JAG2: variants seen among roughly 807,000 people sequenced by gnomAD.
JAG2 encodes protein jagged-2.
JAG2 carries 46 observed loss-of-function variants against 141.7 expected under a neutral mutation model. The observed-to-expected ratio is 0.32, with a 90% CI of 0.26 to 0.42. JAG2 has a LOEUF of 0.42. Among genes scored for constraint, JAG2 ranks in the 10% least tolerant of loss-of-function variants. The pLI is 1.00. For missense variants in JAG2, 1,500 were observed against 1,817.5 expected (o/e 0.83, Z 3.18); for synonymous variants, 862 against 763.5 (o/e 1.13, Z -2.13).
rs922411611 is a variant in JAG2, at chr14:105,151,037, A to G, written c.1335T>C (p.Tyr445=). Residue 445 remains tyrosine (Y), a synonymous_variant, in exon 10 of 26, where the codon TAT becomes TAC. Transcript: ENST00000331782. ...AFSCKNLIGG[Y]YCDCIPGWKG... Reference sequence around the variant, plus strand: ...TCCAGCCCGGGATGCAATCACAGTAATAGCCGCCAATCAGGTTTTTGCAAG... The same window carrying G: ...TCCAGCCCGGGATGCAATCACAGTAGTAGCCGCCAATCAGGTTTTTGCAAG... The G allele has an allele frequency of 2.5e-6, 4 of 1,613,276 alleles. No individual in the cohort carries two copies. The highest frequency in any genetic ancestry group is 3.4e-6 in the Non-Finnish European group (4 of 1,179,854).
At position 105,155,578 on chromosome 14, in the gene JAG2, C is replaced by T. The variant is rs766451706; in HGVS notation, c.772G>A (p.Val258Met). 18 of 1,612,914 alleles carry T rather than the reference C, an allele frequency of 1.1e-5. No homozygotes were observed. Among genetic ancestry groups the T allele is most frequent in the South Asian group, 4.4e-5 (4 of 91,088 alleles). ...GCNLLHGGCT[V>M]PGECRCSYGW... ...CACACTCACCTGCACTCCCCAGGCA[C>T]GGTGCATCCCCCGTGGAGCAAATTA... The change falls in exon 5 of 26, where the codon GTG becomes ATG. Residue 258 changes from valine (V) to methionine (M), a missense_variant. Physicochemically the swap from Val to Met is conservative, Grantham distance 21 (BLOSUM62 1). This residue lies in a region of JAG2 where 875 missense variants were observed against 1,202.2 expected (regional missense o/e 0.73). Coordinates refer to ENST00000331782, the MANE Select transcript of JAG2 (RefSeq NM_002226.5).
chr14:105,152,121 T>A (rs760632265), intron 6 of JAG2, 40 bp downstream of exon 6: 51 of 1,613,270 alleles, frequency 3.2e-5, no homozygotes, highest in Non-Finnish European at 1.1e-5. Context: ...AACCCACACT[T>A]CGATGGCAGA....
At chr14:105,155,217 C>T (rs587703179) in intron 5 of JAG2, among the ~76,000 whole-genome samples, 188 of 151,994 alleles carry the variant, frequency 1.2e-3, no homozygotes, top group Non-Finnish European at 1.9e-3. Flanking sequence ...GGCCGCTCGC[C>T]GCCCACCCCC....
Position 105,143,488 on chromosome 14 carries a change from A to G in JAG2, c.3235T>C (p.Ser1079Pro), listed in dbSNP as rs199934719. 34 of 1,554,656 alleles carry G rather than the reference A, an allele frequency of 2.2e-5. No individual in the cohort carries two copies. The East Asian group carries it at 7.6e-4, about 35-fold the overall frequency. The change falls in exon 25 of 26, where the codon TCC becomes CCC. Residue 1079 changes from serine (S) to proline (P), a missense_variant. Physicochemically the swap from Ser to Pro is moderately conservative, Grantham distance 74. Around this residue, in one of 3 missense-constraint regions of JAG2, gnomAD observed 425 missense variants for 441.0 expected, o/e 0.96. Transcript: ENST00000331782. ...KVETVVTGGS[S>P]TGLLVPVLCG... ...GCCCACCTCCCGCGCTTACCTGTGG[A>G]AGAGCCGCCCGTAACAACCGTCTCC... is the stretch of plus-strand genomic sequence containing the variant.
intron 3 of JAG2, among the ~76,000 whole-genome samples, chr14:105,157,340 G>A (rs953698520): frequency 6.7e-6 from 1 of 149,066 alleles, no homozygotes; most frequent in Non-Finnish European, 1.5e-5. Flanking sequence ...GGGCCCTGCA[G>A]AGCCCCTGCC....
At position 105,141,399 on chromosome 14, in the gene JAG2, C is replaced by A. The variant is rs587716896; in HGVS notation, c.*1296G>T. 6.6e-6 allele frequency: 1 copy of A among 152,338 alleles called. No individual in the cohort carries two copies. The highest frequency in any genetic ancestry group is 2.4e-5 in the African/African-American group (1 of 41,576). The allele number at this position is 152,338 out of a possible 1,614,324, so 9.4% of individuals were successfully genotyped here. A position where few individuals can be genotyped will look rare whatever the true frequency, so the allele number is the denominator to read the frequency against. ...TTTTGACCTGTTAATTCCTTAAGAC[C>A]TTGATACGTATTCGTGGGTAAGCAA... On this transcript the variant is annotated 3_prime_UTR_variant, in exon 26 of 26. Transcript: ENST00000331782.
rs985054434 is a variant in JAG2, at chr14:105,154,053, C to T, written c.788+1509G>A. 7.2e-5 allele frequency among the ~76,000 whole-genome samples: 11 copies of T among 151,982 alleles called. No homozygotes were observed. The highest frequency in any genetic ancestry group is 1.2e-4 in the Non-Finnish European group (8 of 67,976). ...GCGGCCCCAGCCCTGCTTGCCTCCCCGCTCTGGGACTGGCCGGGAAAGCTC... is the reference window on the plus strand; with the variant it reads ...GCGGCCCCAGCCCTGCTTGCCTCCCTGCTCTGGGACTGGCCGGGAAAGCTC... On this transcript the variant is annotated intron_variant, in intron 5 of 25. Transcript: ENST00000331782. This position sits in a 1 kb window ranked among gnomAD's most constrained non-coding sequence, Gnocchi z 4.4.
At chr14:105,156,728 G>A (rs1377284197) in intron 3 of JAG2, among the ~76,000 whole-genome samples, 1 of 152,148 alleles carries the variant, frequency 6.6e-6, no homozygotes, top group Non-Finnish European at 1.5e-5. Flanking sequence ...AGGCCTGGGA[G>A]GACACTGTGC....
chr14:105,162,353 C>G (rs72707682), intron 2 of JAG2, among the ~76,000 whole-genome samples: 2 of 152,078 alleles, frequency 1.3e-5, no homozygotes, highest in African/African-American at 4.8e-5. Context: ...CTCCCCAGCC[C>G]GAACCCTCAA....
At chr14:105,153,742 C>T (rs773478473) in intron 5 of JAG2, among the ~76,000 whole-genome samples, 6 of 152,196 alleles carry the variant, frequency 3.9e-5, no homozygotes, top group Non-Finnish European at 8.8e-5. Flanking sequence ...CCCCAGACTC[C>T]GGCTCATCTT....
At position 105,154,041 on chromosome 14, in the gene JAG2, T is replaced by A. The variant is rs1453892244; in HGVS notation, c.788+1521A>T. The stretch of plus-strand genomic sequence containing the variant: ...GTGACCGGGTGGGCGGCCCCAGCCC[T>A]GCTTGCCTCCCCGCTCTGGGACTGG... On this transcript the variant is annotated intron_variant, in intron 5 of 25. Transcript: ENST00000331782. The surrounding 1 kb of genome is among the most constrained non-coding windows in gnomAD (Gnocchi z 4.4). Among the ~76,000 whole-genome samples, 1 of 151,718 alleles carries A rather than the reference T, an allele frequency of 6.6e-6. No homozygotes were observed. The highest frequency in any genetic ancestry group is 1.5e-5 in the Non-Finnish European group (1 of 67,898).
Position 105,168,654 on chromosome 14 carries a change from C to A in JAG2, c.-234G>T. The A allele has an allele frequency of 6.8e-6, 1 of 147,736 alleles. No homozygotes were observed. Among genetic ancestry groups the A allele is most frequent in the South Asian group, 1.8e-4 (1 of 5,568 alleles). The allele number at this position is 147,736 out of a possible 1,614,324, so 9.2% of individuals were successfully genotyped here. A position where few individuals can be genotyped will look rare whatever the true frequency, so the allele number is the denominator to read the frequency against. On this transcript the variant is annotated 5_prime_UTR_variant, in exon 1 of 26. Coordinates refer to ENST00000331782, the MANE Select transcript of JAG2 (RefSeq NM_002226.5). ...GCTCCGGCTCGCTGGCGGCCGCGCT[C>A]CGGCTGCCCGGCCCGGCTCCCACCC...
Position 105,155,813 on chromosome 14 carries a change from A to G in JAG2, c.652T>C (p.Phe218Leu). Reference sequence around the variant, plus strand: ...TACTGGTCGCAGGTGTAGTGGCCGAAAAAGTCGTTGCGGGGCCGGCAGAAC... The same window carrying G: ...TACTGGTCGCAGGTGTAGTGGCCGAGAAAGTCGTTGCGGGGCCGGCAGAAC... ...NKFCRPRNDF[F>L]GHYTCDQYGN... Residue 218 changes from phenylalanine (F) to leucine (L), a missense_variant, in exon 4 of 26, where the codon TTC becomes CTC. Phe to Leu is a conservative substitution (Grantham distance 22, BLOSUM62 0). Transcript: ENST00000331782. The G allele has an allele frequency of 1.2e-6, 2 of 1,612,934 alleles. No homozygotes were observed. Among genetic ancestry groups the G allele is most frequent in the Non-Finnish European group, 1.7e-6 (2 of 1,179,918 alleles).
rs1287916384 is a variant in JAG2, at chr14:105,154,808, G to A, written c.788+754C>T. Among the ~76,000 whole-genome samples, 1 of 151,800 alleles carries A rather than the reference G, an allele frequency of 6.6e-6. No individual in the cohort carries two copies. Among genetic ancestry groups the A allele is most frequent in the African/African-American group, 2.4e-5 (1 of 41,280 alleles). On this transcript the variant is annotated intron_variant, in intron 5 of 25. Coordinates refer to ENST00000331782, the MANE Select transcript of JAG2 (RefSeq NM_002226.5). The surrounding 1 kb of genome is among the most constrained non-coding windows in gnomAD (Gnocchi z 4.4). ...TCCACATCCAGCTAACCCCGGCCCC[G>A]CCTGCTCCTCTGTGGCATTCCTCCT... is the stretch of plus-strand genomic sequence containing the variant.
rs752198397 is a variant in JAG2 at position 105,151,732 on chromosome 14, G to A, written c.1047C>T (p.His349=). ...YSGRNCEKAE[H]ACTSNPCANG... is the part of the protein sequence containing the mutation. ...TGGCACACGGGTTGGAGGTGCAGGCGTGCTCAGCTGTAGAACCGCGGGGAG... is the reference window on the plus strand; with the variant it reads ...TGGCACACGGGTTGGAGGTGCAGGCATGCTCAGCTGTAGAACCGCGGGGAG... The change falls in exon 8 of 26, where the codon CAC becomes CAT. Residue 349 remains histidine, a synonymous_variant. Coordinates refer to ENST00000331782, the MANE Select transcript of JAG2 (RefSeq NM_002226.5). 5.6e-6 allele frequency: 9 copies of A among 1,609,258 alleles called. No homozygotes were observed. The highest frequency in any genetic ancestry group is 5.0e-5 in the Admixed American group (3 of 59,428).
At position 105,143,090 on chromosome 14, in the gene JAG2, T is replaced by G; in HGVS notation, c.3322A>C (p.Lys1108Gln). ...CTCCTCTCCCGCTCTTTCCTGCGCT[T>G]GCGTGTCCACCACACGCACAGGACC... is the stretch of plus-strand genomic sequence containing the variant. ...CVVLCVWWTR[K>Q]RRKERERSRL... The change falls in exon 26 of 26, where the codon AAG becomes CAG. Residue 1108 changes from lysine to glutamine, a missense_variant. Physicochemically the swap from Lys to Gln is moderately conservative, Grantham distance 53. This residue lies in a region of JAG2 where 425 missense variants were observed against 441.0 expected (regional missense o/e 0.96). Coordinates refer to ENST00000331782, the MANE Select transcript of JAG2 (RefSeq NM_002226.5). 1 of 1,600,136 alleles carries G rather than the reference T, an allele frequency of 6.2e-7. No homozygotes were observed. The highest frequency in any genetic ancestry group is 8.5e-7 in the Non-Finnish European group (1 of 1,179,610).
At chr14:105,150,413 G>A (rs1356508112) in intron 12 of JAG2, among the ~76,000 whole-genome samples, 191 bp downstream of exon 12, 1 of 152,124 alleles carries the variant, frequency 6.6e-6, no homozygotes, top group African/African-American at 2.4e-5. Flanking sequence ...GGCCACAGGG[G>A]GCCAAGCCTG....
At chr14:105,161,755 C>T (rs1462020775) in intron 2 of JAG2, among the ~76,000 whole-genome samples, 1 of 152,160 alleles carries the variant, frequency 6.6e-6, no homozygotes. Flanking sequence ...CACCCCCGTC[C>T]TTCCAGGACT....
rs771384338 is a variant in JAG2, at chr14:105,155,728, GC to G, written c.727+9del. On this transcript the variant is annotated intron_variant, in intron 4 of 25. Transcript: ENST00000331782. The stretch of plus-strand genomic sequence containing the variant: ...TCCCTGCCCTCCACGCAGCCCAGCG[GC>G]CCCCTCACCTTCCTTGCACTCCTTG... 6.2e-7 allele frequency: 1 copy of G among 1,612,654 alleles called. No individual in the cohort carries two copies. The highest frequency in any genetic ancestry group is 8.5e-7 in the Non-Finnish European group (1 of 1,179,854).
Sources: allele counts gnomAD v4.1 joint callset (sites outside exome capture counted in the v4.1 genomes callset), GRCh38; gene constraint gnomAD v4.1.1; regional missense constraint gnomAD v4.1.1; non-coding constraint Gnocchi (gnomAD v3.1); transcripts MANE v1.5; gene names NCBI Gene and HGNC (gene_info 2026-07-23, HGNC 2026-07-21).